Variants in FTO observed in about 807,000 individuals in gnomAD.
The protein encoded by FTO is alpha-ketoglutarate-dependent dioxygenase FTO.
A neutral mutation model predicts 63.9 loss-of-function variants in FTO; 47 were observed. That is an observed-to-expected ratio of 0.74 (90% CI 0.58 to 0.94). FTO has a LOEUF of 0.94. FTO is among the 40% of genes least tolerant of loss of function. The pLI, the probability that FTO is intolerant of heterozygous loss-of-function variation, is 0.00. For synonymous variants in FTO, 207 were observed against 224.4 expected, an observed-to-expected ratio of 0.92 and a Z score of 0.69; for missense variants, 562 against 618.1, an observed-to-expected ratio of 0.91 and a Z score of 0.96.
chr16:53,779,285 C>T lies in FTO; in HGVS notation c.46-30855C>T, dbSNP rs74995968. ...CTTGGGTGGTTGGGGCACATCATTG[C>T]AACAATTATTACATTTACTCAAGAG... On this transcript the variant is annotated intron_variant, in intron 1 of 8. Transcript: ENST00000471389. 7.3e-3 allele frequency among the ~76,000 whole-genome samples: 1,105 copies of T among 151,936 alleles called. 14 individuals are homozygous for T. The highest frequency in any genetic ancestry group is 0.025 in the African/African-American group (1,020 of 41,432).
intron 8 of FTO, among the ~76,000 whole-genome samples, chr16:54,041,505 A>G (rs1350592190): frequency 6.6e-6 from 1 of 152,184 alleles, no homozygotes; most frequent in Non-Finnish European, 1.5e-5. Flanking sequence ...CTAGCGATTC[A>G]AAGAAATACA....
chr16:54,025,752 C>T (rs1176882342), intron 8 of FTO, among the ~76,000 whole-genome samples: 1 of 151,982 alleles, frequency 6.6e-6, no homozygotes, highest in African/African-American at 2.4e-5. Flanking sequence ...GTGGCTCGCG[C>T]CTGTAATCCC....
At chr16:53,904,184 T>C (rs2081478617) in intron 7 of FTO, among the ~76,000 whole-genome samples, 1 of 152,074 alleles carries the variant, frequency 6.6e-6, no homozygotes, top group Non-Finnish European at 1.5e-5. Context: ...CATCAGACTT[T>C]TTTGCAAGAA....
intron 6 of FTO, among the ~76,000 whole-genome samples, chr16:53,888,531 G>T (rs150560045): frequency 1.4e-5 from 2 of 138,746 alleles, no homozygotes; most frequent in African/African-American, 5.2e-5. Flanking sequence ...TGTTGCCCAG[G>T]CTGGGCTTAA....
chr16:53,847,330 T>C (rs1377032810), intron 4 of FTO, among the ~76,000 whole-genome samples: 1 of 152,196 alleles, frequency 6.6e-6, no homozygotes, highest in African/African-American at 2.4e-5. Flanking sequence ...TCCTGTGCCT[T>C]CTTCTTCCCA....
chr16:53,951,304 A>C (rs773282816), intron 8 of FTO, among the ~76,000 whole-genome samples: 1 of 152,176 alleles, frequency 6.6e-6, no homozygotes, highest in Non-Finnish European at 1.5e-5. Context: ...TCAGTTTTTT[A>C]GTGCTGAGAT....
At chr16:53,873,298 A>C (rs1223645075) in intron 4 of FTO, among the ~76,000 whole-genome samples, 1 of 152,154 alleles carries the variant, frequency 6.6e-6, no homozygotes, top group African/African-American at 2.4e-5. Flanking sequence ...AGGACCACAA[A>C]TAAGTAGAGT....
intron 2 of FTO, among the ~76,000 whole-genome samples, chr16:53,811,375 G>C (rs1177654445): frequency 6.6e-6 from 1 of 152,130 alleles, no homozygotes; most frequent in Non-Finnish European, 1.5e-5. Context: ...GTACATAGCT[G>C]ACCATCAGTA....
At chr16:53,717,736 G>A (rs979025814) in intron 1 of FTO, among the ~76,000 whole-genome samples, 1 of 151,866 alleles carries the variant, frequency 6.6e-6, no homozygotes, top group Non-Finnish European at 1.5e-5. Context: ...TGGTGTTATG[G>A]TATGGAGTAG....
chr16:53,888,910 A>G lies in FTO; in HGVS notation c.1198A>G (p.Met400Val), dbSNP rs143788264. 145 of 1,613,996 alleles carry G rather than the reference A, an allele frequency of 9.0e-5. No homozygotes were observed. The African/African-American group carries it at 1.2e-3, about 14-fold the overall frequency. The change falls in exon 7 of 9, where the codon ATG becomes GTG. Residue 400 changes from methionine to valine, a missense_variant. Coordinates refer to ENST00000471389, the MANE Select transcript of FTO (RefSeq NM_001080432.3). ...RKCTDWWCQP[M>V]AQLEALWKKM... is the part of the protein sequence containing the mutation. ...GTGCACTGACTGGTGGTGTCAACCC[A>G]TGGCTCAACTGGAAGCACTGTGGAA...
chr16:53,921,564 G>T (rs1341695449), intron 7 of FTO, among the ~76,000 whole-genome samples: 1 of 152,116 alleles, frequency 6.6e-6, no homozygotes, highest in South Asian at 2.1e-4. Flanking sequence ...GTTGTGGTGG[G>T]GTTGGGAGAG....
chr16:53,784,811 T>C (rs1386882912), intron 1 of FTO, among the ~76,000 whole-genome samples: 1 of 152,160 alleles, frequency 6.6e-6, no homozygotes, highest in Non-Finnish European at 1.5e-5. Flanking sequence ...ATTCAGATAT[T>C]GCAGATATGT....
At chr16:53,705,914 A>G (rs1207956588) in intron 1 of FTO, among the ~76,000 whole-genome samples, 1 of 152,176 alleles carries the variant, frequency 6.6e-6, no homozygotes, top group Non-Finnish European at 1.5e-5. Context: ...AGAAGCTCTT[A>G]CTCTATTGAA....
intron 8 of FTO, among the ~76,000 whole-genome samples, chr16:54,084,760 A>G (rs181789327): frequency 6.6e-6 from 1 of 152,302 alleles, no homozygotes; most frequent in East Asian, 1.9e-4. Flanking sequence ...GCACACACAC[A>G]GCTGAGATTT....
chr16:53,725,760 T>G (rs2076138169), intron 1 of FTO, among the ~76,000 whole-genome samples: 1 of 152,192 alleles, frequency 6.6e-6, no homozygotes, highest in African/African-American at 2.4e-5. Context: ...TGATCAGGAA[T>G]TAAAGAGTGA....
At chr16:53,991,632 T>C (rs986080948) in intron 8 of FTO, 2 of 152,182 alleles carry the variant, frequency 1.3e-5, no homozygotes, top group Admixed American at 1.3e-4. Context: ...TTGAGCTGCT[T>C]TGAACTTGTA....
chr16:53,766,501 G>T (rs1279773795), intron 1 of FTO, among the ~76,000 whole-genome samples: 1 of 152,164 alleles, frequency 6.6e-6, no homozygotes, highest in African/African-American at 2.4e-5. Flanking sequence ...GGGATTACAG[G>T]TGTGAGCCTC....
At chr16:53,869,300 T>C (rs2080422697) in intron 4 of FTO, among the ~76,000 whole-genome samples, 1 of 152,146 alleles carries the variant, frequency 6.6e-6, no homozygotes, top group African/African-American at 2.4e-5. Context: ...GATAAGCTGT[T>C]TTTTCCTTCT....
chr16:53,940,212 A>C (rs2082494784), intron 8 of FTO, among the ~76,000 whole-genome samples: 2 of 151,708 alleles, frequency 1.3e-5, no homozygotes, highest in Non-Finnish European at 2.9e-5. Context: ...TGTGGTTTTG[A>C]ATTGCATTTC....
Sources: gnomAD v4.1 joint callset for allele counts (sites outside exome capture counted in the v4.1 genomes callset) on GRCh38, gnomAD v4.1.1 for gene constraint, MANE v1.5 for transcripts, NCBI Gene and HGNC (gene_info 2026-07-23, HGNC 2026-07-21) for gene names.